Variants in LTBP1 observed in about 807,000 individuals in gnomAD.
LTBP1 encodes latent-transforming growth factor beta-binding protein 1.
LTBP1 carries 129 observed loss-of-function variants against 207.6 expected under a neutral mutation model. That is an observed-to-expected ratio of 0.62 (90% CI 0.54 to 0.72). LTBP1 has a LOEUF of 0.72. Ranked by LOEUF, LTBP1 falls within the 30% of genes least tolerant of loss-of-function variation. The probability of loss-of-function intolerance (pLI) is 0.00; values close to 1 mark genes in which losing one functional copy is unlikely to be tolerated. For synonymous variants in LTBP1, 963 were observed against 833.7 expected, an observed-to-expected ratio of 1.16 and a Z score of -2.67; for missense variants, 2,281 against 2,217.2, an observed-to-expected ratio of 1.03 and a Z score of -0.58.
intron 2 of LTBP1, among the ~76,000 whole-genome samples, chr2:32,954,669 A>AG (rs1203857052): frequency 6.8e-6 from 1 of 146,692 alleles, no homozygotes; most frequent in Non-Finnish European, 1.5e-5. Flanking sequence ...TTTTTTTTCT[A>AG]GGGGGAGTAC....
chr2:33,068,262 T>A (rs2077617204), intron 3 of LTBP1, among the ~76,000 whole-genome samples: 1 of 152,160 alleles, frequency 6.6e-6, no homozygotes, highest in South Asian at 2.1e-4. Context: ...TGTTTAGTTT[T>A]TTTTTTTAAA....
chr2:33,339,075 A>T (rs540182492), intron 24 of LTBP1, among the ~76,000 whole-genome samples: 2 of 152,154 alleles, frequency 1.3e-5, no homozygotes, highest in African/African-American at 4.8e-5. Context: ...AGATGGGAAG[A>T]TGACCCACCA....
intron 3 of LTBP1, among the ~76,000 whole-genome samples, chr2:33,079,717 T>C (rs1243250323): frequency 6.6e-6 from 1 of 152,210 alleles, no homozygotes; most frequent in Non-Finnish European, 1.5e-5. Context: ...GTGACAAGGC[T>C]GTCCTGGACT....
At chr2:33,351,808 A>G (rs1489266264) in intron 26 of LTBP1, among the ~76,000 whole-genome samples, 1 of 152,192 alleles carries the variant, frequency 6.6e-6, no homozygotes, top group African/African-American at 2.4e-5. Flanking sequence ...ATCTTGGACT[A>G]GTCTTTTCCT....
intron 2 of LTBP1, among the ~76,000 whole-genome samples, chr2:32,982,457 T>G (rs1682905768): frequency 6.6e-6 from 1 of 152,174 alleles, no homozygotes; most frequent in South Asian, 2.1e-4. Context: ...TTTGTGTAAG[T>G]AACAAGGAGC....
At chr2:33,144,464 C>T (rs1366492120) in intron 5 of LTBP1, among the ~76,000 whole-genome samples, 2 of 152,150 alleles carry the variant, frequency 1.3e-5, no homozygotes, top group Non-Finnish European at 2.9e-5. Context: ...GCCAAGCCTT[C>T]TGGCAAGGGT....
At chr2:33,060,165 C>G (rs963762201) in intron 3 of LTBP1, among the ~76,000 whole-genome samples, 1 of 134,834 alleles carries the variant, frequency 7.4e-6, no homozygotes, top group African/African-American at 2.6e-5. Flanking sequence ...AGTGCTAAAA[C>G]CAGGGATTAT....
At chr2:32,962,959 T>C (rs112692107) in intron 2 of LTBP1, among the ~76,000 whole-genome samples, 8 of 152,346 alleles carry the variant, frequency 5.3e-5, no homozygotes, top group African/African-American at 1.7e-4. Context: ...AGAACCCATC[T>C]CCTCCTCCCT....
chr2:33,050,836 C>T (rs1031031501), intron 3 of LTBP1, among the ~76,000 whole-genome samples: 6 of 151,666 alleles, frequency 4.0e-5, no homozygotes, highest in East Asian at 1.9e-4. Context: ...CGGGTTCAAG[C>T]GATTCTCCTG....
chr2:33,034,373 T>G (rs1447262013), intron 3 of LTBP1, among the ~76,000 whole-genome samples: 6 of 152,218 alleles, frequency 3.9e-5, no homozygotes, highest in Non-Finnish European at 7.3e-5. Flanking sequence ...GTTTAAATGT[T>G]TAAAGCTGAT....
intron 3 of LTBP1, among the ~76,000 whole-genome samples, chr2:33,074,499 G>A (rs967908884): frequency 5.1e-4 from 77 of 152,118 alleles, no homozygotes; most frequent in Admixed American, 4.9e-3. Flanking sequence ...CACTTTGGGA[G>A]GCCAAGGTGG....
At chr2:33,289,510 C>T (rs1347540330) in intron 19 of LTBP1, among the ~76,000 whole-genome samples, 1 of 152,080 alleles carries the variant, frequency 6.6e-6, no homozygotes, top group Non-Finnish European at 1.5e-5. Context: ...CAGGCACGCA[C>T]CACCACACTC....
At chr2:33,378,922 C>T (rs1205727759) in intron 31 of LTBP1, among the ~76,000 whole-genome samples, 1 of 152,148 alleles carries the variant, frequency 6.6e-6, no homozygotes, top group African/African-American at 2.4e-5. Context: ...CTTAGAATGA[C>T]CAGGTTCTTG....
intron 19 of LTBP1, among the ~76,000 whole-genome samples, chr2:33,289,891 TG>T (rs139441264): frequency 5.3e-5 from 8 of 152,066 alleles, no homozygotes; most frequent in Non-Finnish European, 8.8e-5. Context: ...GGGTGGATGG[TG>T]GGGTGGGTAG....
Position 33,341,727 on chromosome 2 carries a change from A to ATATATATATATATATAT in LTBP1, c.3731-1111_3731-1110insTATATATATATATATAT, listed in dbSNP as rs1285574448. 6.7e-5 allele frequency among the ~76,000 whole-genome samples: 6 copies of ATATATATATATATATAT among 89,604 alleles called. No homozygotes were observed. In the South Asian group the frequency reaches 1.2e-3, roughly 19 times the overall value. 58.8% of individuals were successfully genotyped at this position (89,604 alleles called of 152,430 possible). A position where few individuals can be genotyped will look rare whatever the true frequency, so the allele number is the denominator to read the frequency against. On this transcript the variant is annotated intron_variant, in intron 24 of 33. Transcript: ENST00000404816. ...CTCCGTCTCACTCAAAAAAAAAAAA[A>ATATATATATATATATAT]AAATATATATATATATATGTATATT...
rs2094958935 is a variant in LTBP1 at position 33,364,285 on chromosome 2, A to G, written c.4469A>G (p.Asn1490Ser). The change falls in exon 30 of 34, where the codon AAC becomes AGC. Residue 1490 changes from asparagine to serine, a missense_variant. Physicochemically the swap from Asn to Ser is conservative, Grantham distance 46. Coordinates refer to ENST00000404816, the MANE Select transcript of LTBP1 (RefSeq NM_206943.4). The part of the protein sequence containing the change: ...GQCVNTEGSY[N>S]CFCTHPMVLD... ...TGTGTTAATACAGAGGGCTCTTACA[A>G]CTGCTTCTGTACTCACCCCATGGTC... 1.2e-6 allele frequency: 2 copies of G among 1,613,906 alleles called. No individual in the cohort carries two copies. Among genetic ancestry groups the G allele is most frequent in the Admixed American group, 1.7e-5 (1 of 59,994 alleles).
intron 3 of LTBP1, among the ~76,000 whole-genome samples, chr2:33,105,006 A>G (rs180678092): frequency 1.3e-5 from 2 of 152,256 alleles, no homozygotes; most frequent in East Asian, 1.9e-4. Flanking sequence ...TTGATCCTCA[A>G]GTCCTGTTAG....
chr2:32,984,431 A>G, intron 2 of LTBP1, among the ~76,000 whole-genome samples: 1 of 152,218 alleles, frequency 6.6e-6, no homozygotes, highest in African/African-American at 2.4e-5. Context: ...TTTTTCAAAA[A>G]TAGGAGAGCA....
chr2:33,319,351 T>C (rs2094319744), intron 24 of LTBP1, among the ~76,000 whole-genome samples: 1 of 151,480 alleles, frequency 6.6e-6, no homozygotes, highest in South Asian at 2.1e-4. Context: ...TGAGCCGAGA[T>C]TGCGCCATTG....
Sources: allele counts gnomAD v4.1 joint callset (sites outside exome capture counted in the v4.1 genomes callset), GRCh38; gene constraint gnomAD v4.1.1; transcripts MANE v1.5; gene names NCBI Gene and HGNC (gene_info 2026-07-23, HGNC 2026-07-21).